The following IGF1R variants were observed in gnomAD, a reference collection of about 807,000 sequenced individuals.
IGF1R encodes insulin like growth factor 1 receptor.
A neutral mutation model predicts 144.6 loss-of-function variants in IGF1R; 44 were observed. The ratio of observed to expected loss-of-function variants is 0.30; its 90% CI spans 0.24 to 0.39. The LOEUF (loss-of-function observed/expected upper bound fraction) is 0.39, where lower values mean the gene tolerates loss of function less well. Ranked by LOEUF, IGF1R falls within the 10% of genes least tolerant of loss-of-function variation. The probability of loss-of-function intolerance (pLI) is 1.00; values close to 1 mark genes in which losing one functional copy is unlikely to be tolerated. For synonymous variants in IGF1R, 795 were observed against 722.8 expected (o/e 1.10, Z -1.60); for missense variants, 1,355 against 1,833.7 (o/e 0.74, Z 4.77).
chr15:98,861,162 T>C lies in IGF1R; in HGVS notation c.641-30163T>C, dbSNP rs377326023. On this transcript the variant is annotated intron_variant, in intron 2 of 20. Transcript: ENST00000650285. ...TTACCCACATCGAAGCCCAACTCAG[T>C]AGTGAAAAAACAAATCTTCCAAATG... 1.5e-4 allele frequency among the ~76,000 whole-genome samples: 23 copies of C among 152,240 alleles called. No homozygotes were observed. The South Asian group carries it at 2.7e-3, about 18-fold the overall frequency.
At chr15:98,916,621 G>T in intron 9 of IGF1R, 51 bp from the exon 10 acceptor site, 2 of 1,469,612 alleles carry the variant, frequency 1.4e-6, no homozygotes, top group Non-Finnish European at 1.9e-6. Context: ...TTACAAGCAT[G>T]TATAACGGCT....
intron 13 of IGF1R, among the ~76,000 whole-genome samples, chr15:98,928,826 G>A (rs1302058288): frequency 6.6e-6 from 1 of 152,084 alleles, no homozygotes; most frequent in East Asian, 1.9e-4. Flanking sequence ...TGGTTCTGAT[G>A]ATCAGTGGCT....
At chr15:98,917,267 G>C (rs1034269620) in intron 10 of IGF1R, among the ~76,000 whole-genome samples, 1 of 152,214 alleles carries the variant, frequency 6.6e-6, no homozygotes, top group African/African-American at 2.4e-5. Flanking sequence ...TATCTTTACT[G>C]CCTCTCTCAG....
At chr15:98,726,637 C>T (rs1006065344) in intron 2 of IGF1R, among the ~76,000 whole-genome samples, 2 of 150,436 alleles carry the variant, frequency 1.3e-5, no homozygotes, top group Non-Finnish European at 1.5e-5. Context: ...CAGCTTGTTT[C>T]TGAATTTTAA....
At chr15:98,955,525 G>C (rs2016943679) in intron 20 of IGF1R, among the ~76,000 whole-genome samples, 1 of 152,276 alleles carries the variant, frequency 6.6e-6, no homozygotes, top group Non-Finnish European at 1.5e-5. Context: ...AGCTGATGTA[G>C]AGGCGGGCAG....
At chr15:98,801,336 T>C (rs1005034243) in intron 2 of IGF1R, among the ~76,000 whole-genome samples, 1 of 152,188 alleles carries the variant, frequency 6.6e-6, no homozygotes, top group African/African-American at 2.4e-5. Context: ...TTGGAAGCTG[T>C]GTGACAATGC....
chr15:98,855,043 C>T (rs1468077213), intron 2 of IGF1R, among the ~76,000 whole-genome samples: 1 of 152,176 alleles, frequency 6.6e-6, no homozygotes, highest in Non-Finnish European at 1.5e-5. Context: ...CTTCATACAG[C>T]CCCTGCGCAT....
intron 2 of IGF1R, among the ~76,000 whole-genome samples, chr15:98,717,410 A>T (rs1052840641): frequency 1.3e-5 from 2 of 152,034 alleles, no homozygotes; most frequent in Non-Finnish European, 2.9e-5. Context: ...AGCTGTGTTG[A>T]CTATATATGT....
chr15:98,697,302 T>G (rs574044020), intron 1 of IGF1R, among the ~76,000 whole-genome samples: 2 of 152,348 alleles, frequency 1.3e-5, no homozygotes, highest in Non-Finnish European at 2.9e-5. Flanking sequence ...CTGTTCAGTT[T>G]GCAGAGTGGT....
intron 4 of IGF1R, 25 bp downstream of exon 4, chr15:98,896,930 A>C (rs1390785144): frequency 1.2e-6 from 2 of 1,612,592 alleles, no homozygotes; most frequent in Admixed American, 3.3e-5. Context: ...CCCCTGGAAA[A>C]ACGGCTAGAT....
intron 2 of IGF1R, among the ~76,000 whole-genome samples, chr15:98,879,064 C>G (rs180803534): frequency 1.6e-4 from 24 of 152,212 alleles, no homozygotes; most frequent in Admixed American, 8.5e-4. Flanking sequence ...TGAAGAAACC[C>G]GGCTCATGAT....
chr15:98,725,634 C>T (rs2054339933), intron 2 of IGF1R, among the ~76,000 whole-genome samples: 1 of 152,168 alleles, frequency 6.6e-6, no homozygotes, highest in Admixed American at 6.5e-5. Flanking sequence ...GATCCTTGTA[C>T]CAGTGAACTG....
intron 5 of IGF1R, among the ~76,000 whole-genome samples, chr15:98,908,332 A>G (rs979177201): frequency 6.6e-6 from 1 of 152,242 alleles, no homozygotes; most frequent in African/African-American, 2.4e-5. Flanking sequence ...CTGTTCTCTC[A>G]TGGACTGCTT....
At chr15:98,820,719 A>G (rs1284356924) in intron 2 of IGF1R, 1 of 152,260 alleles carries the variant, frequency 6.6e-6, no homozygotes, top group Non-Finnish European at 1.5e-5. Context: ...CATTAAGTGC[A>G]TATAAAACAA....
intron 6 of IGF1R, 40 bp from the exon 7 acceptor site, chr15:98,911,275 C>T (rs2151674032): frequency 6.2e-7 from 1 of 1,613,468 alleles, no homozygotes; most frequent in South Asian, 1.1e-5. Flanking sequence ...TTCAGAGACA[C>T]ATGAATCTCT....
At chr15:98,755,663 G>C (rs948394936) in intron 2 of IGF1R, among the ~76,000 whole-genome samples, 1 of 128,804 alleles carries the variant, frequency 7.8e-6, no homozygotes, top group African/African-American at 2.9e-5. Flanking sequence ...AGGTTGCAGT[G>C]AGCCTACATC....
At chr15:98,920,227 A>G (rs965786306) in intron 10 of IGF1R, among the ~76,000 whole-genome samples, 2 of 152,164 alleles carry the variant, frequency 1.3e-5, no homozygotes, top group Admixed American at 6.5e-5. Flanking sequence ...GTAGTTGTTT[A>G]CCAAAAAAAA....
rs2017233099 is a variant in IGF1R, at chr15:98,961,703, C to T, written c.*4261C>T. 4.3e-6 allele frequency: 1 copy of T among 233,692 alleles called. No individual in the cohort carries two copies. The highest frequency in any genetic ancestry group is 8.5e-6 in the Non-Finnish European group (1 of 118,042). 14.5% of individuals were successfully genotyped at this position (233,692 alleles called of 1,614,324 possible). The stretch of plus-strand genomic sequence containing the variant: ...CCCACACAGCCCTTCCCTGAGGCAG[C>T]AGGAGCTGGTGTGTACTGGAGACAC... On this transcript the variant is annotated 3_prime_UTR_variant, in exon 21 of 21. Coordinates refer to ENST00000650285, the MANE Select transcript of IGF1R (RefSeq NM_000875.5).
At chr15:98,773,433 C>T (rs950888922) in intron 2 of IGF1R, among the ~76,000 whole-genome samples, 3 of 152,200 alleles carry the variant, frequency 2.0e-5, no homozygotes, top group Non-Finnish European at 1.5e-5. Context: ...AGATTGCTTA[C>T]CGCTCCAGAC....
Sources: allele counts gnomAD v4.1 joint callset (sites outside exome capture counted in the v4.1 genomes callset), GRCh38; gene constraint gnomAD v4.1.1; transcripts MANE v1.5; gene names NCBI Gene and HGNC (gene_info 2026-07-23, HGNC 2026-07-21).